INPP4B: variants seen among roughly 807,000 people sequenced by gnomAD.
INPP4B encodes inositol polyphosphate 4-phosphatase type II.
Under a neutral mutation model 122.5 loss-of-function variants are expected in INPP4B, and 55 were observed. The ratio of observed to expected loss-of-function variants is 0.45; its 90% CI spans 0.36 to 0.56. INPP4B has a LOEUF of 0.56. Ranked by LOEUF, INPP4B falls within the 20% of genes least tolerant of loss-of-function variation. The pLI, the probability that INPP4B is intolerant of heterozygous loss-of-function variation, is 0.00. For missense variants in INPP4B, 1,000 were observed against 1,097.7 expected (o/e 0.91, Z 1.26); for synonymous variants, 403 against 388.7 (o/e 1.04, Z -0.43).
At chr4:142,618,077 G>A (rs537966465) in intron 2 of INPP4B, among the ~76,000 whole-genome samples, 3 of 152,174 alleles carry the variant, frequency 2.0e-5, no homozygotes, top group East Asian at 3.9e-4. Flanking sequence ...TATACTTCAT[G>A]TGCTATAGTA....
chr4:142,833,066 T>TC (rs1782361003), intron 1 of INPP4B, among the ~76,000 whole-genome samples: 1 of 152,080 alleles, frequency 6.6e-6, no homozygotes, highest in Non-Finnish European at 1.5e-5. Context: ...GTTTTTTTTT[T>TC]CTAGTTTGGA....
chr4:142,262,359 G>A (rs376644916), intron 10 of INPP4B, among the ~76,000 whole-genome samples: 3 of 152,056 alleles, frequency 2.0e-5, no homozygotes, highest in Non-Finnish European at 4.4e-5. Context: ...AACACAAAAA[G>A]CATGCTGCCA....
At chr4:142,121,452 T>C (rs957534587) in intron 21 of INPP4B, among the ~76,000 whole-genome samples, 2 of 152,096 alleles carry the variant, frequency 1.3e-5, no homozygotes, top group Non-Finnish European at 2.9e-5. Context: ...ATTTTAAATA[T>C]CCTCATGCAG....
At chr4:142,278,521 C>T (rs1378051299) in intron 9 of INPP4B, among the ~76,000 whole-genome samples, 2 of 151,878 alleles carry the variant, frequency 1.3e-5, no homozygotes, top group African/African-American at 2.4e-5. Context: ...TTAGGGCTCA[C>T]AGGGACCTAA....
At position 142,086,230 on chromosome 4, in the gene INPP4B, C is replaced by G. The variant is rs1351879900; in HGVS notation, c.2401G>C (p.Asp801His). The G allele has an allele frequency of 1.9e-6, 3 of 1,572,966 alleles. No individual in the cohort carries two copies. Among genetic ancestry groups the G allele is most frequent in the African/African-American group, 2.7e-5 (2 of 74,140 alleles). The change falls in exon 24 of 26, where the codon GAT (aspartate) becomes CAT (histidine). Residue 801 changes from aspartate (D) to histidine (H), a missense_variant. Physicochemically the swap from Asp to His is moderately conservative, Grantham distance 81. Coordinates refer to ENST00000262992, the MANE Select transcript of INPP4B (RefSeq NM_001101669.3). Reference sequence around the variant, plus strand: ...AGATTTTCTAGCAATGCTTTTAAATCATTTTGTTCCTGAAAATGTGAAATA... The same window carrying G: ...AGATTTTCTAGCAATGCTTTTAAATGATTTTGTTCCTGAAAATGTGAAATA... ...DYISHFQEQN[D>H]LKALLENLLQ...
In INPP4B at chr4:142,804,832, A is replaced by G. The variant is rs186862297; in HGVS notation, c.-254+41377T>C. Among the ~76,000 whole-genome samples the G allele has an allele frequency of 2.6e-5, 4 of 152,140 alleles. No individual in the cohort carries two copies. The East Asian group carries it at 7.8e-4, about 30-fold the overall frequency. Reference sequence around the variant, plus strand: ...CAGGTTTGTGCCACCACGTCCAGCTAATTTCTGTATTTTTTGTAGAGATGG... The same window carrying G: ...CAGGTTTGTGCCACCACGTCCAGCTGATTTCTGTATTTTTTGTAGAGATGG... On this transcript the variant is annotated intron_variant, in intron 1 of 25. Coordinates refer to ENST00000262992, the MANE Select transcript of INPP4B (RefSeq NM_001101669.3).
chr4:142,648,967 G>A (rs181043038), intron 2 of INPP4B, among the ~76,000 whole-genome samples: 40 of 152,290 alleles, frequency 2.6e-4, no homozygotes, highest in African/African-American at 9.6e-4. Context: ...ACCTCATATA[G>A]GTGGCTGCCC....
intron 2 of INPP4B, among the ~76,000 whole-genome samples, chr4:142,526,949 T>G (rs1011076054): frequency 2.0e-5 from 3 of 152,092 alleles, no homozygotes; most frequent in Admixed American, 1.3e-4. Context: ...CAGATAATGC[T>G]GTCTGTGATG....
At chr4:142,624,395 GC>G (rs1466344354) in intron 2 of INPP4B, among the ~76,000 whole-genome samples, 8 of 151,328 alleles carry the variant, frequency 5.3e-5, no homozygotes, top group Admixed American at 5.3e-4. Context: ...CATGTCCTTC[GC>G]CCACTTTTTG....
intron 5 of INPP4B, among the ~76,000 whole-genome samples, chr4:142,408,681 A>G (rs1803965774): frequency 6.6e-6 from 1 of 152,220 alleles, no homozygotes; most frequent in African/African-American, 2.4e-5. Context: ...AAAGAAAGCA[A>G]TGCTTTGGGA....
intron 1 of INPP4B, among the ~76,000 whole-genome samples, chr4:142,736,157 C>T (rs1766853425): frequency 6.6e-6 from 1 of 152,116 alleles, no homozygotes; most frequent in Non-Finnish European, 1.5e-5. Flanking sequence ...CCACCCCAGA[C>T]CAGCTGAGTC....
intron 23 of INPP4B, among the ~76,000 whole-genome samples, chr4:142,090,037 C>A (rs1778763287): frequency 6.6e-6 from 1 of 152,110 alleles, no homozygotes; most frequent in African/African-American, 2.4e-5. Context: ...CACAATAGAC[C>A]AAATTCTTCA....
intron 9 of INPP4B, among the ~76,000 whole-genome samples, chr4:142,298,745 C>G (rs1759979247): frequency 6.9e-6 from 1 of 144,272 alleles, no homozygotes; most frequent in Admixed American, 6.9e-5. Flanking sequence ...AAGCAAAATT[C>G]ATATTCTCTG....
intron 3 of INPP4B, among the ~76,000 whole-genome samples, chr4:142,447,244 G>T (rs1176087996): frequency 6.6e-6 from 1 of 152,116 alleles, no homozygotes; most frequent in African/African-American, 2.4e-5. Flanking sequence ...AGTCTGACTG[G>T]CTGTGAGACT....
intron 11 of INPP4B, among the ~76,000 whole-genome samples, chr4:142,253,571 C>T (rs1274022320): frequency 6.6e-6 from 1 of 152,182 alleles, no homozygotes; most frequent in African/African-American, 2.4e-5. Flanking sequence ...AGTTCCCTTT[C>T]CTAGTCAAAG....
At chr4:142,343,495 A>C (rs191648440) in intron 7 of INPP4B, among the ~76,000 whole-genome samples, 1,533 of 147,296 alleles carry the variant, frequency 0.01, 25 homozygotes, top group African/African-American at 0.036. Context: ...AAAAAAAAAA[A>C]CCCCGAGAGT....
chr4:142,471,169 G>GA (rs1818750324), intron 2 of INPP4B, among the ~76,000 whole-genome samples: 1 of 152,026 alleles, frequency 6.6e-6, no homozygotes, highest in Non-Finnish European at 1.5e-5. Flanking sequence ...TATAAAATGG[G>GA]AAAATGACAA....
intron 25 of INPP4B, among the ~76,000 whole-genome samples, chr4:142,041,966 A>C (rs1343883134): frequency 6.6e-6 from 1 of 152,074 alleles, no homozygotes; most frequent in African/African-American, 2.4e-5. Context: ...CTTTCTTTCT[A>C]TCACAGGAAA....
At chr4:142,704,147 A>G (rs1305601579) in intron 2 of INPP4B, among the ~76,000 whole-genome samples, 1 of 152,206 alleles carries the variant, frequency 6.6e-6, no homozygotes, top group Non-Finnish European at 1.5e-5. Flanking sequence ...AACAAACCAC[A>G]GGAACTTGTT....
Sources: allele counts gnomAD v4.1 joint callset (sites outside exome capture counted in the v4.1 genomes callset), GRCh38; gene constraint gnomAD v4.1.1; transcripts MANE v1.5; gene names NCBI Gene and HGNC (gene_info 2026-07-23, HGNC 2026-07-21).